Variants in PRKAR2B observed in about 807,000 individuals in gnomAD.
PRKAR2B encodes the protein protein kinase cAMP-dependent type II regulatory subunit beta.
A neutral mutation model predicts 49.9 loss-of-function variants in PRKAR2B; 14 were observed. The ratio of observed to expected loss-of-function variants is 0.28; its 90% CI spans 0.19 to 0.44. The LOEUF (loss-of-function observed/expected upper bound fraction) is 0.44, where lower values mean the gene tolerates loss of function less well. Ranked by LOEUF, PRKAR2B falls within the 20% of genes least tolerant of loss-of-function variation. The probability of loss-of-function intolerance (pLI) is 1.00; values close to 1 mark genes in which losing one functional copy is unlikely to be tolerated. For synonymous variants in PRKAR2B, 196 were observed against 197.7 expected, an observed-to-expected ratio of 0.99 and a Z score of 0.07; for missense variants, 393 against 537.9, an observed-to-expected ratio of 0.73 and a Z score of 2.67.
intron 2 of PRKAR2B, among the ~76,000 whole-genome samples, chr7:107,096,104 T>G (rs1794831192): frequency 6.6e-6 from 1 of 152,234 alleles, no homozygotes; most frequent in African/African-American, 2.4e-5. Context: ...GTACCTCTGG[T>G]AGAATTTGGC....
intron 5 of PRKAR2B, among the ~76,000 whole-genome samples, chr7:107,145,615 T>C (rs901674648): frequency 5.9e-5 from 9 of 152,216 alleles, no homozygotes; most frequent in African/African-American, 1.7e-4. Context: ...GATGGGATCT[T>C]GCTATGTTGC....
chr7:107,082,307 AT>A (rs1329737132), intron 2 of PRKAR2B, among the ~76,000 whole-genome samples: 3 of 152,194 alleles, frequency 2.0e-5, no homozygotes, highest in Non-Finnish European at 2.9e-5. Context: ...TACTTTAAAA[AT>A]GATATTGCTT....
intron 4 of PRKAR2B, among the ~76,000 whole-genome samples, chr7:107,140,275 G>A (rs531086377): frequency 1.3e-5 from 2 of 152,338 alleles, no homozygotes; most frequent in South Asian, 4.1e-4. Flanking sequence ...GATGCAGCTT[G>A]AAGCCAACCT....
intron 3 of PRKAR2B, among the ~76,000 whole-genome samples, chr7:107,127,213 CTGCCTGAAGAGGCAAGGTACCTGCCCA>C (rs1330965486): frequency 6.6e-6 from 1 of 152,216 alleles, no homozygotes; most frequent in Non-Finnish European, 1.5e-5. Context: ...GTAGGGCAGG[CTGCCTGAAGAGGCAAGGTACCTGCCCA>C]TCAGCTCTTG....
chr7:107,149,627 G>C (rs1470806520), intron 6 of PRKAR2B, among the ~76,000 whole-genome samples: 2 of 151,954 alleles, frequency 1.3e-5, no homozygotes, highest in African/African-American at 4.8e-5. Context: ...ATACTATCCT[G>C]GGTGATTAGG....
intron 1 of PRKAR2B, among the ~76,000 whole-genome samples, chr7:107,057,659 T>C (rs1469040535): frequency 1.3e-5 from 2 of 152,098 alleles, no homozygotes; most frequent in Non-Finnish European, 2.9e-5. Flanking sequence ...AGTGCCTCAT[T>C]TTCCTCATCT....
At chr7:107,105,511 AT>A (rs1203941668) in intron 2 of PRKAR2B, among the ~76,000 whole-genome samples, 1 of 152,238 alleles carries the variant, frequency 6.6e-6, no homozygotes, top group Non-Finnish European at 1.5e-5. Context: ...TAAAGACAGT[AT>A]CCCTGAGAAA....
At chr7:107,123,167 C>T (rs372889105) in intron 3 of PRKAR2B, among the ~76,000 whole-genome samples, 47 of 152,146 alleles carry the variant, frequency 3.1e-4, no homozygotes, top group African/African-American at 1.0e-3. Flanking sequence ...TCAGAGCAAT[C>T]GAGATGAGCT....
At chr7:107,135,209 A>C (rs369718785) in intron 4 of PRKAR2B, among the ~76,000 whole-genome samples, 4 of 152,196 alleles carry the variant, frequency 2.6e-5, no homozygotes, top group African/African-American at 7.2e-5. Context: ...CAACGTGGTT[A>C]GTCGTTAGAG....
chr7:107,121,599 A>G (rs1795390287), intron 2 of PRKAR2B, among the ~76,000 whole-genome samples: 1 of 152,134 alleles, frequency 6.6e-6, no homozygotes, highest in African/African-American at 2.4e-5. Flanking sequence ...CAACTATATG[A>G]TTAAATTCAT....
At chr7:107,114,328 G>A (rs111747311) in intron 2 of PRKAR2B, among the ~76,000 whole-genome samples, 1,434 of 19,482 alleles carry the variant, frequency 0.074, 18 homozygotes, top group African/African-American at 0.18. Context: ...GTACAGCTGT[G>A]TGTGTGTGTG....
At chr7:107,158,205 A>G (rs1562874877) in intron 10 of PRKAR2B, among the ~76,000 whole-genome samples, 1 of 152,138 alleles carries the variant, frequency 6.6e-6, no homozygotes, top group Middle Eastern at 3.4e-3. Context: ...AGAAATAGTA[A>G]AGGTGAGTGA....
At chr7:107,116,374 A>G (rs1462621337) in intron 2 of PRKAR2B, among the ~76,000 whole-genome samples, 1 of 152,090 alleles carries the variant, frequency 6.6e-6, no homozygotes, top group Non-Finnish European at 1.5e-5. Context: ...CTTTGTAGAT[A>G]TCGTCATTGT....
At chr7:107,071,228 A>G (rs1043621633) in intron 2 of PRKAR2B, among the ~76,000 whole-genome samples, 1 of 152,236 alleles carries the variant, frequency 6.6e-6, no homozygotes, top group East Asian at 1.9e-4. Context: ...TGGAGTTGAT[A>G]TAATACAAAT....
At chr7:107,134,318 C>T (rs890131852) in intron 4 of PRKAR2B, among the ~76,000 whole-genome samples, 8 of 152,072 alleles carry the variant, frequency 5.3e-5, no homozygotes, top group South Asian at 4.1e-4. Flanking sequence ...TGTGAGCTAC[C>T]GTGCCTGGCC....
At chr7:107,120,003 T>A (rs1472512776) in intron 2 of PRKAR2B, among the ~76,000 whole-genome samples, 2 of 152,168 alleles carry the variant, frequency 1.3e-5, no homozygotes, top group Non-Finnish European at 2.9e-5. Context: ...CACACAATCC[T>A]GGATAAAACG....
At chr7:107,101,468 G>A (rs1794964745) in intron 2 of PRKAR2B, among the ~76,000 whole-genome samples, 1 of 152,180 alleles carries the variant, frequency 6.6e-6, no homozygotes, top group African/African-American at 2.4e-5. Context: ...GAGGGCTAGG[G>A]CACTGCCCAG....
chr7:107,085,136 C>G (rs962682218), intron 2 of PRKAR2B, among the ~76,000 whole-genome samples: 2 of 152,032 alleles, frequency 1.3e-5, no homozygotes, highest in African/African-American at 2.4e-5. Flanking sequence ...GAGACCTGCC[C>G]TCTCAGCCAT....
At chr7:107,045,319 C>G (rs1457868870) in intron 1 of PRKAR2B, 105 bp downstream of exon 1, 1 of 982,892 alleles carries the variant, frequency 1.0e-6, no homozygotes, top group African/African-American at 1.7e-5. Context: ...CACCTCTCCC[C>G]GCATTCTCCA....
Sources: gnomAD v4.1 joint callset for allele counts (sites outside exome capture counted in the v4.1 genomes callset) on GRCh38, gnomAD v4.1.1 for gene constraint, MANE v1.5 for transcripts, NCBI Gene and HGNC (gene_info 2026-07-23, HGNC 2026-07-21) for gene names.